ETV6: variants seen among roughly 807,000 people sequenced by gnomAD.
ETV6 encodes ETS variant transcription factor 6.
In ETV6, 16 loss-of-function variants were observed where a neutral mutation model predicts 51.1. That is an observed-to-expected ratio of 0.31 (90% CI 0.21 to 0.48). ETV6 has a LOEUF of 0.48. ETV6 is among the 20% of genes least tolerant of loss of function. The probability of loss-of-function intolerance (pLI) is 0.99; values close to 1 mark genes in which losing one functional copy is unlikely to be tolerated. For missense variants in ETV6, 458 were observed against 594.8 expected, an observed-to-expected ratio of 0.77 and a Z score of 2.39; for synonymous variants, 240 against 224.1, an observed-to-expected ratio of 1.07 and a Z score of -0.64.
At chr12:11,668,663 A>G (rs1864244566) in intron 1 of ETV6, among the ~76,000 whole-genome samples, 1 of 152,168 alleles carries the variant, frequency 6.6e-6, no homozygotes. Context: ...TTTCTTCTGG[A>G]TGAAAGTTGC....
At chr12:11,739,661 A>G (rs1865772602) in intron 1 of ETV6, among the ~76,000 whole-genome samples, 1 of 152,188 alleles carries the variant, frequency 6.6e-6, no homozygotes, top group South Asian at 2.1e-4. Context: ...TTAGTATGAA[A>G]AAAACATAAA....
chr12:11,655,838 T>G lies in ETV6; in HGVS notation c.33+5678T>G, dbSNP rs1199147620. ...TTAAGTGTGGACTCTCAGATGAGCA[T>G]AACTGCTCACTCAGCCCTATGGATT... On this transcript the variant is annotated intron_variant, in intron 1 of 7. Transcript: ENST00000396373. Among the ~76,000 whole-genome samples the G allele has an allele frequency of 2.6e-5, 4 of 152,352 alleles. No individual in the cohort carries two copies. In the East Asian group the frequency reaches 7.7e-4, roughly 29 times the overall value.
chr12:11,873,921 A>C lies in ETV6; in HGVS notation c.1009+3952A>C, dbSNP rs1185192035. On this transcript the variant is annotated intron_variant, in intron 5 of 7. Coordinates refer to ENST00000396373, the MANE Select transcript of ETV6 (RefSeq NM_001987.5). ...GCTGGCTTTTAGCTGGGCTTGGATG[A>C]ATGCTTAGAATGTGGACAAGTGGAG... Among the ~76,000 whole-genome samples, 2 of 112,276 alleles carry C rather than the reference A, an allele frequency of 1.8e-5. 1 individual carries two copies. Among genetic ancestry groups the C allele is most frequent in the African/African-American group, 6.9e-5 (2 of 28,982 alleles). The allele number at this position is 112,276 out of a possible 152,430, so 73.7% of individuals were successfully genotyped here.
At chr12:11,842,079 C>A (rs1354515520) in intron 3 of ETV6, among the ~76,000 whole-genome samples, 2 of 121,886 alleles carry the variant, frequency 1.6e-5, no homozygotes, top group African/African-American at 6.5e-5. Flanking sequence ...GAGACTCCGT[C>A]TCAAAAAAAA....
At chr12:11,685,069 G>A (rs954206961) in intron 1 of ETV6, among the ~76,000 whole-genome samples, 12 of 152,144 alleles carry the variant, frequency 7.9e-5, no homozygotes, top group Admixed American at 1.3e-4. Context: ...CTGGCCCAGG[G>A]GACAGTGTCC....
chr12:11,891,744 T>G lies in ETV6; in HGVS notation c.*698T>G. On this transcript the variant is annotated 3_prime_UTR_variant, in exon 8 of 8. Transcript: ENST00000396373. Reference sequence around the variant, plus strand: ...AGATGCCTTCTGACAGAGTTCAGCCTCTTGGAGAGTCTTGGGGATTGTTGG... The same window carrying G: ...AGATGCCTTCTGACAGAGTTCAGCCGCTTGGAGAGTCTTGGGGATTGTTGG... 1 of 405,352 alleles carries G rather than the reference T, an allele frequency of 2.5e-6. No individual in the cohort carries two copies. The highest frequency in any genetic ancestry group is 2.4e-5 in the South Asian group (1 of 41,692). The allele number at this position is 405,352 out of a possible 1,614,324, so 25.1% of individuals were successfully genotyped here.
At chr12:11,790,985 C>T (rs1209641782) in intron 2 of ETV6, among the ~76,000 whole-genome samples, 4 of 152,034 alleles carry the variant, frequency 2.6e-5, no homozygotes, top group Admixed American at 2.6e-4. Context: ...CCGGCCAGAG[C>T]TTAAGCTTCT....
intron 2 of ETV6, among the ~76,000 whole-genome samples, chr12:11,809,692 G>A (rs1256728304): frequency 6.6e-6 from 1 of 152,024 alleles, no homozygotes; most frequent in Non-Finnish European, 1.5e-5. Context: ...ATCAATGTCT[G>A]CAGGTGTCCC....
At chr12:11,825,834 T>C (rs1452624664) in intron 2 of ETV6, 2 of 113,938 alleles carry the variant, frequency 1.8e-5, no homozygotes, top group Non-Finnish European at 3.7e-5. Context: ...AAAGCATGCC[T>C]TTTTTTTTTT....
At chr12:11,824,805 C>G (rs1380285065) in intron 2 of ETV6, among the ~76,000 whole-genome samples, 5 of 152,058 alleles carry the variant, frequency 3.3e-5, no homozygotes, top group African/African-American at 9.7e-5. Context: ...GATGGGGCAG[C>G]AGAGACTTAG....
At chr12:11,698,012 A>G (rs568025470) in intron 1 of ETV6, among the ~76,000 whole-genome samples, 1 of 152,222 alleles carries the variant, frequency 6.6e-6, no homozygotes, top group African/African-American at 2.4e-5. Context: ...AAAAAAATTT[A>G]AAAAAACCTC....
chr12:11,704,435 C>G (rs1056768361), intron 1 of ETV6, among the ~76,000 whole-genome samples: 2 of 152,172 alleles, frequency 1.3e-5, no homozygotes, highest in African/African-American at 4.8e-5. Flanking sequence ...CAACCTCTGC[C>G]TCCCAGGTTT....
chr12:11,890,404 C>T (rs925452798), intron 7 of ETV6, among the ~76,000 whole-genome samples: 5 of 150,744 alleles, frequency 3.3e-5, no homozygotes, highest in Non-Finnish European at 5.9e-5. Flanking sequence ...AAAGGGTGCT[C>T]ACTACGTCAC....
At chr12:11,718,296 C>T (rs939654456) in intron 1 of ETV6, among the ~76,000 whole-genome samples, 1 of 152,252 alleles carries the variant, frequency 6.6e-6, no homozygotes, top group African/African-American at 2.4e-5. Context: ...TGACCACACC[C>T]CATTTCTTTT....
chr12:11,841,682 G>C (rs1047768154), intron 3 of ETV6, among the ~76,000 whole-genome samples: 1 of 152,130 alleles, frequency 6.6e-6, no homozygotes, highest in Non-Finnish European at 1.5e-5. Context: ...GAGATTAGAG[G>C]GGCCATTTCT....
chr12:11,878,827 GGA>G (rs1491206914), intron 5 of ETV6, among the ~76,000 whole-genome samples: 4 of 132,606 alleles, frequency 3.0e-5, no homozygotes, highest in Admixed American at 1.6e-4. Context: ...GAGGAGGAGG[GGA>G]AAAAAAAAAA....
At chr12:11,852,549 A>G (rs1260012947) in intron 3 of ETV6, among the ~76,000 whole-genome samples, 1 of 152,212 alleles carries the variant, frequency 6.6e-6, no homozygotes, top group South Asian at 2.1e-4. Flanking sequence ...TGAAGAATCT[A>G]TGAGTTGTCA....
At chr12:11,733,016 G>T (rs536497019) in intron 1 of ETV6, among the ~76,000 whole-genome samples, 1 of 152,060 alleles carries the variant, frequency 6.6e-6, no homozygotes, top group South Asian at 2.1e-4. Flanking sequence ...TGGGAAGCCC[G>T]TTCTTTAACC....
intron 1 of ETV6, among the ~76,000 whole-genome samples, chr12:11,698,548 A>C (rs1186626727): frequency 6.6e-6 from 1 of 152,140 alleles, no homozygotes; most frequent in South Asian, 2.1e-4. Context: ...CCTCTGTTCC[A>C]TACTATGTGG....
Sources: allele counts gnomAD v4.1 joint callset (sites outside exome capture counted in the v4.1 genomes callset), GRCh38; gene constraint gnomAD v4.1.1; transcripts MANE v1.5; gene names NCBI Gene and HGNC (gene_info 2026-07-23, HGNC 2026-07-21).